Variants in LIFR observed in about 807,000 individuals in gnomAD.
LIFR encodes LIF receptor subunit alpha.
A neutral mutation model predicts 122.2 loss-of-function variants in LIFR; 84 were observed. That is an observed-to-expected ratio of 0.69 (90% confidence interval 0.58 to 0.82). The LOEUF (loss-of-function observed/expected upper bound fraction) is 0.82, where lower values mean the gene tolerates loss of function less well. LIFR is among the 40% of genes least tolerant of loss of function. The probability of loss-of-function intolerance (pLI) is 0.00; values close to 1 mark genes in which losing one functional copy is unlikely to be tolerated. For synonymous variants in LIFR, 422 were observed against 434.7 expected (o/e 0.97, Z 0.36); for missense variants, 1,294 against 1,311.6 (o/e 0.99, Z 0.21).
At chr5:38,589,865 C>G (rs1338765515) in intron 1 of LIFR, among the ~76,000 whole-genome samples, 1 of 151,974 alleles carries the variant, frequency 6.6e-6, no homozygotes, top group Non-Finnish European at 1.5e-5. Context: ...CCTGGAAATG[C>G]TAGAATTGTG....
At chr5:38,564,780 ATAT>A (rs1748962445) in intron 1 of LIFR, among the ~76,000 whole-genome samples, 2 of 141,614 alleles carry the variant, frequency 1.4e-5, no homozygotes, top group African/African-American at 5.2e-5. Context: ...ACACACACAT[ATAT>A]TTTTTTTTTG....
Position 38,481,380 on chromosome 5 carries a change from T to C in LIFR, c.*215A>G. 1.7e-6 allele frequency: 1 copy of C among 595,956 alleles called. No individual in the cohort carries two copies. The highest frequency in any genetic ancestry group is 2.8e-5 in the East Asian group (1 of 35,182). 36.9% of individuals were successfully genotyped at this position (595,956 alleles called of 1,614,324 possible). On this transcript the variant is annotated 3_prime_UTR_variant, in exon 20 of 20. Coordinates refer to ENST00000453190, the MANE Select transcript of LIFR (RefSeq NM_001127671.2). Reference sequence around the variant, plus strand: ...GCTTGATCACAAAGAGCTCCCAATCTTGAGTTTTGTGGATTGAGGATTCTG... The same window carrying C: ...GCTTGATCACAAAGAGCTCCCAATCCTGAGTTTTGTGGATTGAGGATTCTG...
chr5:38,539,136 A>G (rs1007411311), intron 1 of LIFR, among the ~76,000 whole-genome samples: 30 of 151,772 alleles, frequency 2.0e-4, no homozygotes, highest in African/African-American at 7.3e-4. Flanking sequence ...AATTTTTTGT[A>G]TTTTTTAGGA....
chr5:38,604,186 C>T (rs764844626), intron 2 of LIFR, among the ~76,000 whole-genome samples: 1 of 152,168 alleles, frequency 6.6e-6, no homozygotes. Flanking sequence ...TCTGCAGTGG[C>T]TGAGGCTGAG....
Position 38,480,118 on chromosome 5 carries a change from CA to C in LIFR, c.*1476del, listed in dbSNP as rs1354628355. The C allele has an allele frequency of 2.0e-5, 4 of 199,076 alleles. No individual in the cohort carries two copies. The highest frequency in any genetic ancestry group is 1.9e-4 in the African/African-American group (4 of 21,412). 12.3% of individuals were successfully genotyped at this position (199,076 alleles called of 1,614,324 possible). ...TTACAGAATCTCAGATGATAAAAAACAAACAAACAACCAAAAAAAACAAACA... is the reference window on the plus strand; with the variant it reads ...TTACAGAATCTCAGATGATAAAAAACAACAAACAACCAAAAAAAACAAACA... On this transcript the variant is annotated 3_prime_UTR_variant, in exon 20 of 20. Coordinates refer to ENST00000453190, the MANE Select transcript of LIFR (RefSeq NM_001127671.2).
At chr5:38,538,289 T>C (rs1369390414) in intron 1 of LIFR, among the ~76,000 whole-genome samples, 1 of 152,244 alleles carries the variant, frequency 6.6e-6, no homozygotes, top group Non-Finnish European at 1.5e-5. Context: ...CAGTATTATC[T>C]GTGCTTGTGG....
intron 5 of LIFR, among the ~76,000 whole-genome samples, chr5:38,519,844 A>G (rs1050625043): frequency 2.0e-5 from 3 of 152,168 alleles, no homozygotes; most frequent in Non-Finnish European, 4.4e-5. Flanking sequence ...TTGTGTGTAT[A>G]TATCACATTT....
chr5:38,485,710 T>C, intron 17 of LIFR, 109 bp downstream of exon 17: 1 of 1,264,558 alleles, frequency 7.9e-7, no homozygotes, highest in Non-Finnish European at 1.1e-6. Context: ...TGCAACAAAA[T>C]GTGAATGTTT....
chr5:38,528,723 T>C lies in LIFR; in HGVS notation c.257+3A>G, dbSNP rs1341981289. On this transcript the variant is annotated splice_donor_region_variant and intron_variant, in intron 3 of 19. Transcript: ENST00000453190. The stretch of plus-strand genomic sequence containing the variant: ...ATTGTGAATTAAAGTAAATTAAAAT[T>C]ACCTGTTTTCAATGCAAACTTCATA... 4.6e-6 allele frequency: 7 copies of C among 1,535,712 alleles called. No individual in the cohort carries two copies. Among genetic ancestry groups the C allele is most frequent in the Non-Finnish European group, 6.2e-6 (7 of 1,122,664 alleles).
In LIFR at chr5:38,506,005, AAAT is replaced by A. The variant is rs754991843; in HGVS notation, c.1188_1190del (p.Leu396del). 34 of 1,608,660 alleles carry A rather than the reference AAAT, an allele frequency of 2.1e-5. No individual in the cohort carries two copies. The highest frequency in any genetic ancestry group is 5.3e-5 in the African/African-American group (4 of 74,842). Reference sequence around the variant, plus strand: ...ATATTTCTTGATTTGGAAGCATTTGAAATAATAATTGATAGCTTTCGTTTGTAG... The same window carrying A: ...ATATTTCTTGATTTGGAAGCATTTGAAATAATTGATAGCTTTCGTTTGTAG... On this transcript the variant is annotated inframe_deletion, in exon 9 of 20. Transcript: ENST00000453190.
At chr5:38,546,830 T>G (rs1379437938) in intron 1 of LIFR, among the ~76,000 whole-genome samples, 1 of 152,244 alleles carries the variant, frequency 6.6e-6, no homozygotes, top group Non-Finnish European at 1.5e-5. Context: ...GCCTGTGGAA[T>G]GTACTGAGTT....
At chr5:38,547,069 A>G (rs932262314) in intron 1 of LIFR, among the ~76,000 whole-genome samples, 2 of 152,158 alleles carry the variant, frequency 1.3e-5, no homozygotes, top group African/African-American at 4.8e-5. Flanking sequence ...AACACCCCCA[A>G]AAGAAAGCTA....
chr5:38,597,957 G>A (rs1750139139), upstream of LIFR, among the ~76,000 whole-genome samples: 1 of 152,032 alleles, frequency 6.6e-6, no homozygotes, highest in Non-Finnish European at 1.5e-5. Context: ...GGGTATTCAA[G>A]TTTCATGGGG....
chr5:38,539,403 T>C (rs1330041069), intron 1 of LIFR, among the ~76,000 whole-genome samples: 1 of 152,152 alleles, frequency 6.6e-6, no homozygotes, highest in African/African-American at 2.4e-5. Context: ...TCTTTTCCAC[T>C]ATAAGCTAAG....
chr5:38,510,510 A>G lies in LIFR; in HGVS notation c.945T>C (p.Val315=), dbSNP rs1425900266. 6.2e-7 allele frequency: 1 copy of G among 1,613,768 alleles called. No individual in the cohort carries two copies. The highest frequency in any genetic ancestry group is 8.5e-7 in the Non-Finnish European group (1 of 1,179,888). The change falls in exon 7 of 20, where the codon GTT becomes GTC. Residue 315 remains valine (V), a synonymous_variant. Transcript: ENST00000453190. The part of the protein sequence containing the change: ...SVSASSGTNV[V]FTTEDNIFGT... ...CAAATATGTTATCTTCGGTTGTAAA[A>G]ACTACATTTGTTCCACTACTTGCAG...
chr5:38,546,002 G>GT (rs1278911909), intron 1 of LIFR, among the ~76,000 whole-genome samples: 2 of 151,832 alleles, frequency 1.3e-5, no homozygotes, highest in Admixed American at 6.6e-5. Context: ...AAATTCAACT[G>GT]TATCAAAAGT....
At chr5:38,566,476 T>C (rs1192397667) in intron 1 of LIFR, among the ~76,000 whole-genome samples, 2 of 152,226 alleles carry the variant, frequency 1.3e-5, no homozygotes, top group Non-Finnish European at 2.9e-5. Context: ...GTTAGTTCCC[T>C]TCTTTTGTAT....
intron 6 of LIFR, 55 bp downstream of exon 6, chr5:38,511,735 T>G: frequency 6.5e-7 from 1 of 1,537,502 alleles, no homozygotes. Context: ...ATCTTACTCT[T>G]AAGTGAGACT....
At chr5:38,579,599 A>C (rs1302179558) in intron 1 of LIFR, 1 of 152,120 alleles carries the variant, frequency 6.6e-6, no homozygotes, top group African/African-American at 2.4e-5. Flanking sequence ...GTTTAACCCC[A>C]AGTTTCCAAG....
Sources: allele counts gnomAD v4.1 joint callset (sites outside exome capture counted in the v4.1 genomes callset), GRCh38; gene constraint gnomAD v4.1.1; transcripts MANE v1.5; gene names NCBI Gene and HGNC (gene_info 2026-07-23, HGNC 2026-07-21).